The following SMIM35 variants were observed in gnomAD, a reference collection of about 807,000 sequenced individuals.
SMIM35 encodes TMPRSS4 antisense RNA 1 (non-protein coding).
chr11:118,038,254 C>A (rs981500975), intron 1 of SMIM35, among the ~76,000 whole-genome samples: 12 of 152,290 alleles, frequency 7.9e-5, no homozygotes, highest in Admixed American at 7.8e-4. Context: ...GCAGTGTCGT[C>A]CTGCTTATAA....
At chr11:118,026,142 A>G (rs1484209296) in intron 1 of SMIM35, among the ~76,000 whole-genome samples, 5 of 152,128 alleles carry the variant, frequency 3.3e-5, no homozygotes, top group Non-Finnish European at 7.4e-5. Context: ...ATTCTGTTCC[A>G]TTGGTCTAAT....
chr11:118,025,940 T>C (rs771524843), intron 1 of SMIM35: 2 of 319,806 alleles, frequency 6.3e-6, no homozygotes, highest in Non-Finnish European at 1.2e-5. Flanking sequence ...TACATTTAAG[T>C]CTTTAATTTA....
intron 1 of SMIM35, among the ~76,000 whole-genome samples, chr11:118,075,251 C>G (rs899410281): frequency 6.6e-6 from 1 of 152,186 alleles, no homozygotes; most frequent in Non-Finnish European, 1.5e-5. Flanking sequence ...CCAAGACTTC[C>G]AACTCTCAAG....
At chr11:118,041,404 C>G (rs889021080) in intron 1 of SMIM35, among the ~76,000 whole-genome samples, 1 of 151,930 alleles carries the variant, frequency 6.6e-6, no homozygotes. Flanking sequence ...TATGCCAAGC[C>G]GTAAAACAAA....
At chr11:118,015,905 A>G (rs1382814638) in intron 1 of SMIM35, 96 bp from the exon 2 acceptor site, 1 of 398,684 alleles carries the variant, frequency 2.5e-6, no homozygotes, top group Non-Finnish European at 4.4e-6. Flanking sequence ...ACTGCCTACC[A>G]ACATAACTGT....
At chr11:118,050,726 G>T (rs544833219) in intron 1 of SMIM35, among the ~76,000 whole-genome samples, 1 of 152,198 alleles carries the variant, frequency 6.6e-6, no homozygotes, top group African/African-American at 2.4e-5. Context: ...GGGTTGCTTT[G>T]ATTGGTTGCA....
At chr11:118,060,221 A>G (rs1380263863) in intron 1 of SMIM35, among the ~76,000 whole-genome samples, 2 of 152,194 alleles carry the variant, frequency 1.3e-5, no homozygotes, top group African/African-American at 4.8e-5. Flanking sequence ...GTCTCTGCCC[A>G]GAGCCCAGAC....
At chr11:118,065,407 G>A (rs1173267466) in intron 1 of SMIM35, among the ~76,000 whole-genome samples, 5 of 152,226 alleles carry the variant, frequency 3.3e-5, no homozygotes, top group African/African-American at 1.2e-4. Flanking sequence ...GGGCCTGGAG[G>A]CAGGGAACCT....
intron 1 of SMIM35, among the ~76,000 whole-genome samples, chr11:118,053,577 G>A (rs1333677210): frequency 6.6e-6 from 1 of 152,138 alleles, no homozygotes; most frequent in Non-Finnish European, 1.5e-5. Context: ...CAACCTGAGC[G>A]CCCTCTGGTG....
In SMIM35 at chr11:118,005,156, T is replaced by C. The variant is rs2058114938; in HGVS notation, c.*1254A>G. Reference sequence around the variant, plus strand: ...CCCTAAGGCAGAGTTTCTCAGAAGATTGCCTCTATCAGAATTACATGGGAG... The same window carrying C: ...CCCTAAGGCAGAGTTTCTCAGAAGACTGCCTCTATCAGAATTACATGGGAG... On this transcript the variant is annotated 3_prime_UTR_variant, in exon 5 of 5. Transcript: ENST00000689828. 6.6e-6 allele frequency: 1 copy of C among 152,122 alleles called. No homozygotes were observed. The highest frequency in any genetic ancestry group is 1.5e-5 in the Non-Finnish European group (1 of 68,038). 9.4% of individuals were successfully genotyped at this position (152,122 alleles called of 1,614,324 possible).
Position 118,026,267 on chromosome 11 carries a change from A to G in SMIM35, c.8-10458T>C, listed in dbSNP as rs11216704. Among the ~76,000 whole-genome samples the G allele has an allele frequency of 5.3e-3, 808 of 152,366 alleles. 6 individuals are homozygous for G. Among genetic ancestry groups the G allele is most frequent in the African/African-American group, 0.019 (777 of 41,582 alleles). ...CCACATATTTTAGAACTAAACATAGAAAATGAAAAAGCTGGGGATGAGGGA... is the reference window on the plus strand; with the variant it reads ...CCACATATTTTAGAACTAAACATAGGAAATGAAAAAGCTGGGGATGAGGGA... On this transcript the variant is annotated intron_variant, in intron 1 of 4. Coordinates refer to ENST00000689828, the MANE Select transcript of SMIM35 (RefSeq NM_001394165.1).
intron 1 of SMIM35, among the ~76,000 whole-genome samples, chr11:118,084,168 A>G (rs1334592103): frequency 6.6e-6 from 1 of 152,044 alleles, no homozygotes; most frequent in Admixed American, 6.6e-5. Flanking sequence ...CCTCTTTTTC[A>G]CACACACATG....
In SMIM35 at chr11:118,076,913, C is replaced by T. The variant is rs181201903; in HGVS notation, c.7+9838G>A. 1.5e-3 allele frequency: 275 copies of T among 189,386 alleles called. 2 individuals carry two copies. The highest frequency in any genetic ancestry group is 5.7e-3 in the Admixed American group (93 of 16,376). 11.7% of individuals were successfully genotyped at this position (189,386 alleles called of 1,614,324 possible). Reference sequence around the variant, plus strand: ...CATTCAGGCGGGAAGGCTTTTGTTACGCCTTAGGTGTGTCACCTGTTCTGA... The same window carrying T: ...CATTCAGGCGGGAAGGCTTTTGTTATGCCTTAGGTGTGTCACCTGTTCTGA... On this transcript the variant is annotated intron_variant, in intron 1 of 4. Coordinates refer to ENST00000689828, the MANE Select transcript of SMIM35 (RefSeq NM_001394165.1).
chr11:118,036,157 G>A (rs1052064792), intron 1 of SMIM35, among the ~76,000 whole-genome samples: 49 of 152,326 alleles, frequency 3.2e-4, no homozygotes, highest in Non-Finnish European at 6.0e-4. Flanking sequence ...AAAGTGCTGG[G>A]ATTACAGGCA....
chr11:118,077,417 G>A, intron 1 of SMIM35: 16 of 1,323,668 alleles, frequency 1.2e-5, no homozygotes, highest in Non-Finnish European at 1.6e-5. Context: ...CACCTTCTAG[G>A]TTAAAAAAAG....
intron 1 of SMIM35, among the ~76,000 whole-genome samples, chr11:118,030,273 G>A (rs2135055217): frequency 6.6e-6 from 1 of 152,184 alleles, no homozygotes; most frequent in African/African-American, 2.4e-5. Flanking sequence ...GACCTCAAGT[G>A]ATCCACCCGC....
At chr11:118,068,297 G>C (rs113482001) in intron 1 of SMIM35, among the ~76,000 whole-genome samples, 3 of 151,960 alleles carry the variant, frequency 2.0e-5, no homozygotes, top group Admixed American at 6.6e-5. Flanking sequence ...GCTCCTCCCC[G>C]TAAGCTCAAT....
intron 1 of SMIM35, among the ~76,000 whole-genome samples, chr11:118,051,855 A>AATACTAATACT (rs1944221175): frequency 6.6e-6 from 1 of 150,480 alleles, no homozygotes. Context: ...TACTAATACT[A>AATACTAATACT]ATACTAATAC....
chr11:118,009,484 A>G (rs2135012339), intron 4 of SMIM35, among the ~76,000 whole-genome samples: 1 of 152,298 alleles, frequency 6.6e-6, no homozygotes, highest in East Asian at 1.9e-4. Context: ...GTTTCACCCT[A>G]CAGGTAAAGT....
Sources: gnomAD v4.1 joint callset for allele counts (sites outside exome capture counted in the v4.1 genomes callset) on GRCh38, gnomAD v4.1.1 for gene constraint, MANE v1.5 for transcripts, NCBI Gene and HGNC (gene_info 2026-07-23, HGNC 2026-07-21) for gene names.